ZFHX4: variants seen among roughly 807,000 people sequenced by gnomAD.
The protein encoded by ZFHX4 is zinc finger homeobox 4.
ZFHX4 carries 56 observed loss-of-function variants against 267.6 expected under a neutral mutation model. That is an observed-to-expected ratio of 0.21 (90% CI 0.17 to 0.26). The LOEUF is 0.26. Ranked by LOEUF, ZFHX4 falls within the 10% of genes least tolerant of loss-of-function variation. The pLI, the probability that ZFHX4 is intolerant of heterozygous loss-of-function variation, is 1.00. For missense variants in ZFHX4, 4,332 were observed against 4,420.0 expected (o/e 0.98, Z 0.56); for synonymous variants, 1,778 against 1,665.6 (o/e 1.07, Z -1.64).
intron 1 of ZFHX4, among the ~76,000 whole-genome samples, chr8:76,688,272 TC>T (rs1337710241): frequency 6.6e-6 from 1 of 152,136 alleles, no homozygotes; most frequent in East Asian, 1.9e-4. Flanking sequence ...CCTGTTTTTT[TC>T]CCCATAGGCT....
Position 76,835,227 on chromosome 8 carries a change from A to ATGTG in ZFHX4, c.3394+1822_3394+1823insGTGT, listed in dbSNP as rs1370836150. 3.4e-5 allele frequency among the ~76,000 whole-genome samples: 2 copies of ATGTG among 59,086 alleles called. 1 individual carries two copies. Among genetic ancestry groups the ATGTG allele is most frequent in the African/African-American group, 1.9e-4 (2 of 10,760 alleles). The allele number at this position is 59,086 out of a possible 152,430, so 38.8% of individuals were successfully genotyped here. A position where few individuals can be genotyped will look rare whatever the true frequency, so the allele number is the denominator to read the frequency against. On this transcript the variant is annotated intron_variant, in intron 5 of 10. Coordinates refer to ENST00000651372, the MANE Select transcript of ZFHX4 (RefSeq NM_024721.5). ...CTTTGGTGTATATATATGTATATAT[A>ATGTG]TATATATATATATGTATATATATAT...
At chr8:76,778,725 C>G (rs1008671657) in intron 4 of ZFHX4, among the ~76,000 whole-genome samples, 1 of 152,084 alleles carries the variant, frequency 6.6e-6, no homozygotes, top group African/African-American at 2.4e-5. Context: ...TGAAATTTTT[C>G]CCCCCAGAGT....
chr8:76,850,428 C>A, intron 9 of ZFHX4, 66 bp downstream of exon 9: 3 of 1,284,234 alleles, frequency 2.3e-6, no homozygotes, highest in East Asian at 2.5e-5. Context: ...GTGGTGGTGC[C>A]CAAAGATTAT....
chr8:76,838,638 C>A (rs917845446), intron 5 of ZFHX4, among the ~76,000 whole-genome samples: 1 of 152,154 alleles, frequency 6.6e-6, no homozygotes, highest in Non-Finnish European at 1.5e-5. Flanking sequence ...TAATATAAAA[C>A]TAAAGATGTC....
intron 1 of ZFHX4, among the ~76,000 whole-genome samples, chr8:76,694,593 G>A (rs1052358349): frequency 2.0e-5 from 3 of 151,880 alleles, no homozygotes; most frequent in East Asian, 3.9e-4. Flanking sequence ...CAGAGGTTGA[G>A]TAGAGTTACT....
chr8:76,745,545 A>T (rs2131694057), intron 3 of ZFHX4, among the ~76,000 whole-genome samples: 1 of 151,322 alleles, frequency 6.6e-6, no homozygotes, highest in South Asian at 2.1e-4. Flanking sequence ...AAAGTCAATT[A>T]TTTTTTCAGT....
Position 76,864,623 on chromosome 8 carries a change from T to A in ZFHX4, c.*58T>A. ...AAAAAATAAAAAAATAAAAAAAAAA[T>A]AAGACTTTAACTGCAGTTCCAAAGC... On this transcript the variant is annotated 3_prime_UTR_variant, in exon 11 of 11. Transcript: ENST00000651372. 8 of 1,194,864 alleles carry A rather than the reference T, an allele frequency of 6.7e-6. No homozygotes were observed. The highest frequency in any genetic ancestry group is 9.0e-6 in the Non-Finnish European group (8 of 892,118). The allele number at this position is 1,194,864 out of a possible 1,614,324, so 74.0% of individuals were successfully genotyped here.
At chr8:76,820,950 CCT>C (rs1472273522) in intron 4 of ZFHX4, among the ~76,000 whole-genome samples, 1 of 151,964 alleles carries the variant, frequency 6.6e-6, no homozygotes, top group Non-Finnish European at 1.5e-5. Context: ...TTTTTTAGTC[CCT>C]GTCTTGTATT....
chr8:76,720,969 A>G (rs1808704751), intron 3 of ZFHX4, among the ~76,000 whole-genome samples: 1 of 152,148 alleles, frequency 6.6e-6, no homozygotes, highest in African/African-American at 2.4e-5. Context: ...ACGTTGTTAA[A>G]TAGAACACTT....
intron 4 of ZFHX4, among the ~76,000 whole-genome samples, chr8:76,790,729 T>A (rs889159886): frequency 2.6e-5 from 4 of 152,108 alleles, no homozygotes; most frequent in African/African-American, 9.7e-5. Flanking sequence ...TTTTTTTGCC[T>A]ATTTGGTATT....
rs1808327736 is a variant in ZFHX4 at position 76,708,054 on chromosome 8, C to A, written c.3093+6C>A. 6.2e-7 allele frequency: 1 copy of A among 1,612,238 alleles called. No individual in the cohort carries two copies. Among genetic ancestry groups the A allele is most frequent in the Admixed American group, 1.7e-5 (1 of 59,972 alleles). ...CGGCCCTGAAGCTCTACAAGGTAAGCAGTGACATCCATTTCCGTTGGCACA... is the reference window on the plus strand; with the variant it reads ...CGGCCCTGAAGCTCTACAAGGTAAGAAGTGACATCCATTTCCGTTGGCACA... On this transcript the variant is annotated splice_donor_region_variant and intron_variant, in intron 3 of 10. Transcript: ENST00000651372.
intron 10 of ZFHX4, among the ~76,000 whole-genome samples, chr8:76,858,219 G>C (rs149303071): frequency 6.6e-6 from 1 of 152,336 alleles, no homozygotes; most frequent in East Asian, 1.9e-4. Context: ...GAGGAAAAGA[G>C]ATGTTTATGA....
intron 3 of ZFHX4, among the ~76,000 whole-genome samples, chr8:76,772,699 GAC>G (rs1369809279): frequency 6.6e-6 from 1 of 152,134 alleles, no homozygotes; most frequent in Non-Finnish European, 1.5e-5. Context: ...ATATTTTGGT[GAC>G]TTCCCACATC....
At chr8:76,725,868 C>A (rs2131647499) in intron 3 of ZFHX4, among the ~76,000 whole-genome samples, 1 of 152,214 alleles carries the variant, frequency 6.6e-6, no homozygotes, top group African/African-American at 2.4e-5. Context: ...TCTGTTAATA[C>A]CAGTTAGCAA....
intron 10 of ZFHX4, among the ~76,000 whole-genome samples, chr8:76,856,804 A>G (rs1222968005): frequency 6.6e-6 from 1 of 152,162 alleles, no homozygotes; most frequent in African/African-American, 2.4e-5. Flanking sequence ...AGCCACAGGT[A>G]TTCACCCACA....
At chr8:76,707,404 C>A in intron 2 of ZFHX4, 142 bp from the exon 3 acceptor site, 1 of 722,554 alleles carries the variant, frequency 1.4e-6, no homozygotes, top group Non-Finnish European at 2.1e-6. Context: ...TGTAATTGAT[C>A]CTGATTGAAT....
At chr8:76,684,485 T>C (rs1381100237) in intron 1 of ZFHX4, among the ~76,000 whole-genome samples, 1 of 152,240 alleles carries the variant, frequency 6.6e-6, no homozygotes, top group East Asian at 1.9e-4. Flanking sequence ...TGGTTGATTT[T>C]GGATTTTTAA....
intron 4 of ZFHX4, among the ~76,000 whole-genome samples, chr8:76,816,540 C>T (rs977742466): frequency 6.6e-6 from 1 of 151,892 alleles, no homozygotes; most frequent in Non-Finnish European, 1.5e-5. Flanking sequence ...GCTCTTGCCA[C>T]CTAGGGAGCT....
intron 4 of ZFHX4, among the ~76,000 whole-genome samples, chr8:76,784,016 T>A (rs187770134): frequency 2.6e-5 from 4 of 152,140 alleles, no homozygotes; most frequent in Admixed American, 2.6e-4. Context: ...TCCAGCTTTT[T>A]AAAATAATTA....
Sources: allele counts gnomAD v4.1 joint callset (sites outside exome capture counted in the v4.1 genomes callset), GRCh38; gene constraint gnomAD v4.1.1; transcripts MANE v1.5; gene names NCBI Gene and HGNC (gene_info 2026-07-23, HGNC 2026-07-21).